Variants in KIF16B observed in about 807,000 individuals in gnomAD.
KIF16B encodes kinesin-like protein KIF16B.
Under a neutral mutation model 156.3 loss-of-function variants are expected in KIF16B, and 98 were observed. The observed-to-expected ratio is 0.63, with a 90% CI of 0.53 to 0.74. The LOEUF (loss-of-function observed/expected upper bound fraction) is 0.74, where lower values mean the gene tolerates loss of function less well. KIF16B is among the 30% of genes least tolerant of loss of function. The pLI is 0.00. For missense variants in KIF16B, 1,421 were observed against 1,606.5 expected, an observed-to-expected ratio of 0.88 and a Z score of 1.97; for synonymous variants, 564 against 583.7, an observed-to-expected ratio of 0.97 and a Z score of 0.49.
intron 25 of KIF16B, among the ~76,000 whole-genome samples, chr20:16,287,985 G>A (rs1435692475): frequency 6.6e-6 from 1 of 152,216 alleles, no homozygotes; most frequent in Non-Finnish European, 1.5e-5. Context: ...TGGGCAAGGA[G>A]CCCAGTTCCC....
At chr20:16,289,887 CA>C (rs1307955598) in intron 25 of KIF16B, among the ~76,000 whole-genome samples, 12 of 152,130 alleles carry the variant, frequency 7.9e-5, no homozygotes, top group Non-Finnish European at 1.6e-4. Flanking sequence ...GAAGAGTAAA[CA>C]TGTTTCAAAA....
At chr20:16,429,260 G>C (rs932150185) in intron 13 of KIF16B, among the ~76,000 whole-genome samples, 4 of 152,166 alleles carry the variant, frequency 2.6e-5, no homozygotes, top group Non-Finnish European at 4.4e-5. Context: ...GAATATCACT[G>C]ATGTTCCTGA....
At chr20:16,367,782 G>C (rs768021398) in intron 22 of KIF16B, 1 of 1,612,584 alleles carries the variant, frequency 6.2e-7, no homozygotes, top group Non-Finnish European at 8.5e-7. Flanking sequence ...CGCAGGCAGC[G>C]GCATCAGGCT....
At chr20:16,389,506 G>T (rs1489479762) in intron 17 of KIF16B, among the ~76,000 whole-genome samples, 2 of 152,168 alleles carry the variant, frequency 1.3e-5, no homozygotes, top group Non-Finnish European at 2.9e-5. Flanking sequence ...CTAGGGTTTA[G>T]TTCCGACTAC....
At chr20:16,292,297 G>A (rs551813994) in intron 25 of KIF16B, among the ~76,000 whole-genome samples, 1 of 152,258 alleles carries the variant, frequency 6.6e-6, no homozygotes, top group African/African-American at 2.4e-5. Context: ...TGTGGAATTG[G>A]AACAAACTGA....
At chr20:16,360,021 GTACAGAAATGAACAGC>G (rs918001592) in intron 22 of KIF16B, among the ~76,000 whole-genome samples, 1 of 152,172 alleles carries the variant, frequency 6.6e-6, no homozygotes, top group African/African-American at 2.4e-5. Flanking sequence ...ATTAATGAGT[GTACAGAAATGAACAGC>G]TACAGAAATG....
intron 15 of KIF16B, among the ~76,000 whole-genome samples, chr20:16,418,504 A>G (rs984130974): frequency 1.3e-5 from 2 of 152,152 alleles, no homozygotes; most frequent in African/African-American, 4.8e-5. Context: ...GACTTGTTTC[A>G]CTGCTGACTT....
intron 15 of KIF16B, among the ~76,000 whole-genome samples, chr20:16,418,357 AC>A (rs761103989): frequency 2.6e-5 from 4 of 152,034 alleles, no homozygotes; most frequent in Non-Finnish European, 5.9e-5. Flanking sequence ...GGCCATGGGG[AC>A]CCCACAGAAA....
At chr20:16,292,152 A>T (rs1163420059) in intron 25 of KIF16B, among the ~76,000 whole-genome samples, 1 of 152,012 alleles carries the variant, frequency 6.6e-6, no homozygotes, top group African/African-American at 2.4e-5. Flanking sequence ...TTTTAAAAAA[A>T]TGTTTTTGGT....
At chr20:16,544,704 C>A (rs1346193594) in intron 1 of KIF16B, among the ~76,000 whole-genome samples, 1 of 151,736 alleles carries the variant, frequency 6.6e-6, no homozygotes, top group Non-Finnish European at 1.5e-5. Context: ...TAACACACCA[C>A]AGCAGTTACC....
intron 24 of KIF16B, among the ~76,000 whole-genome samples, chr20:16,318,490 C>A (rs574982677): frequency 6.6e-6 from 1 of 152,080 alleles, no homozygotes; most frequent in African/African-American, 2.4e-5. Flanking sequence ...ACACGACAAG[C>A]CTGAAGCAAC....
chr20:16,474,695 G>T (rs1374029992), intron 12 of KIF16B, among the ~76,000 whole-genome samples: 2 of 152,116 alleles, frequency 1.3e-5, no homozygotes, highest in African/African-American at 4.8e-5. Context: ...TCACAAAAAT[G>T]TCTCAAAACC....
At chr20:16,288,028 C>T (rs376302139) in intron 25 of KIF16B, among the ~76,000 whole-genome samples, 3 of 152,146 alleles carry the variant, frequency 2.0e-5, no homozygotes, top group African/African-American at 2.4e-5. Context: ...CCTACTGATA[C>T]GTTTGAATCT....
At chr20:16,549,059 C>T (rs1373667280) in intron 1 of KIF16B, among the ~76,000 whole-genome samples, 8 of 132,306 alleles carry the variant, frequency 6.0e-5, no homozygotes, top group African/African-American at 8.5e-5. Flanking sequence ...TTTAATTATA[C>T]TTTAAGTTTT....
chr20:16,458,475 T>C (rs2067266711), intron 12 of KIF16B, among the ~76,000 whole-genome samples: 1 of 152,188 alleles, frequency 6.6e-6, no homozygotes, highest in South Asian at 2.1e-4. Flanking sequence ...TGACAGCATT[T>C]CTGATATCAA....
Position 16,335,947 on chromosome 20 carries a change from T to G in KIF16B, c.3690A>C (p.Thr1230=). 1 of 1,604,022 alleles carries G rather than the reference T, an allele frequency of 6.2e-7. No homozygotes were observed. ...TTACCTCTGCATACTTTAACTTCAA[T>G]GTTTTATGCATTTCTCGAAAACGAC... ...RYSRFREMHK[T]LKLKYAELAA... is the part of the protein sequence containing the mutation. Residue 1230 remains threonine (T), a synonymous_variant, in exon 24 of 26, where the codon ACA becomes ACC. Transcript: ENST00000354981.
intron 24 of KIF16B, among the ~76,000 whole-genome samples, chr20:16,319,685 T>C (rs1223040305): frequency 1.3e-5 from 2 of 152,076 alleles, no homozygotes; most frequent in African/African-American, 4.8e-5. Context: ...ATTGTTAAAA[T>C]CTCTGAGGGG....
chr20:16,573,201 G>C (rs1307290076), intron 1 of KIF16B, 28 bp downstream of exon 1: 2 of 1,564,174 alleles, frequency 1.3e-6, no homozygotes, highest in South Asian at 1.2e-5. Context: ...GCGCGACGAG[G>C]GGGCGGGGCG....
In KIF16B at chr20:16,335,893, C is replaced by T. The variant is rs762404833; in HGVS notation, c.3711+33G>A. 4 of 1,280,890 alleles carry T rather than the reference C, an allele frequency of 3.1e-6. No individual in the cohort carries two copies. The Admixed American group carries it at 7.2e-5, about 23-fold the overall frequency. The allele number at this position is 1,280,890 out of a possible 1,614,324, so 79.3% of individuals were successfully genotyped here. Reference sequence around the variant, plus strand: ...GCTCATTTACTTTATAAAATGAATGCTCTTAATCGGAGATAATAATTTCAT... The same window carrying T: ...GCTCATTTACTTTATAAAATGAATGTTCTTAATCGGAGATAATAATTTCAT... On this transcript the variant is annotated intron_variant, in intron 24 of 25. Transcript: ENST00000354981.
Sources: gnomAD v4.1 joint callset for allele counts (sites outside exome capture counted in the v4.1 genomes callset) on GRCh38, gnomAD v4.1.1 for gene constraint, MANE v1.5 for transcripts, NCBI Gene and HGNC (gene_info 2026-07-23, HGNC 2026-07-21) for gene names.